The following GAB1 variants were observed in gnomAD, a reference collection of about 807,000 sequenced individuals.
GAB1 encodes GRB2-associated-binding protein 1.
GAB1 carries 19 observed loss-of-function variants against 66.5 expected under a neutral mutation model. The ratio of observed to expected loss-of-function variants is 0.29; its 90% confidence interval spans 0.20 to 0.42. The LOEUF (loss-of-function observed/expected upper bound fraction) is 0.42, where lower values mean the gene tolerates loss of function less well. Among genes scored for constraint, GAB1 ranks in the 10% least tolerant of loss-of-function variants. The pLI is 1.00. For synonymous variants in GAB1, 294 were observed against 301.4 expected (o/e 0.98, Z 0.25); for missense variants, 732 against 858.5 (o/e 0.85, Z 1.84).
chr4:143,416,701 G>A (rs528679090), intron 2 of GAB1, among the ~76,000 whole-genome samples: 1 of 152,026 alleles, frequency 6.6e-6, no homozygotes, highest in Non-Finnish European at 1.5e-5. Flanking sequence ...TTGAACCCAG[G>A]AGGCGGAGGC....
At chr4:143,350,701 A>C (rs1729171192) in intron 1 of GAB1, among the ~76,000 whole-genome samples, 1 of 151,468 alleles carries the variant, frequency 6.6e-6, no homozygotes, top group Admixed American at 6.6e-5. Context: ...AAAAAAAAGA[A>C]AGACTTTGTA....
rs1736183535 is a variant in GAB1, at chr4:143,474,150, A to C, written c.*4961A>C. ...CATGTCCCCTTAGATTTCCTGATTT[A>C]AAATTATACAAAATTACTATTTTTG... On this transcript the variant is annotated 3_prime_UTR_variant, in exon 10 of 10. Coordinates refer to ENST00000262994, the MANE Select transcript of GAB1 (RefSeq NM_002039.4). 6.6e-6 allele frequency: 1 copy of C among 152,212 alleles called. No individual in the cohort carries two copies. Among genetic ancestry groups the C allele is most frequent in the Non-Finnish European group, 1.5e-5 (1 of 68,036 alleles). 9.4% of individuals were successfully genotyped at this position (152,212 alleles called of 1,614,324 possible).
intron 7 of GAB1, among the ~76,000 whole-genome samples, chr4:143,460,118 G>A (rs986707161): frequency 2.0e-5 from 3 of 151,998 alleles, no homozygotes; most frequent in African/African-American, 7.3e-5. Context: ...CCAAGTCACT[G>A]GCAGTGGTTT....
chr4:143,341,594 C>T (rs1728825192), intron 1 of GAB1, among the ~76,000 whole-genome samples: 1 of 152,236 alleles, frequency 6.6e-6, no homozygotes, highest in Non-Finnish European at 1.5e-5. Flanking sequence ...TAGCAAGGCC[C>T]CAGCCAGTTC....
intron 1 of GAB1, among the ~76,000 whole-genome samples, chr4:143,372,436 A>C (rs1353008852): frequency 1.3e-5 from 2 of 152,228 alleles, no homozygotes; most frequent in Non-Finnish European, 2.9e-5. Context: ...TCTGCCTTAC[A>C]TGAAACTTAC....
At chr4:143,360,113 A>G (rs543125007) in intron 1 of GAB1, among the ~76,000 whole-genome samples, 8 of 152,222 alleles carry the variant, frequency 5.3e-5, no homozygotes, top group Non-Finnish European at 8.8e-5. Context: ...GCCTTGTGCA[A>G]ATGATCTAAC....
At chr4:143,440,544 A>G (rs1436914735) in intron 6 of GAB1, among the ~76,000 whole-genome samples, 162 bp downstream of exon 6, 1 of 152,210 alleles carries the variant, frequency 6.6e-6, no homozygotes, top group African/African-American at 2.4e-5. Flanking sequence ...CCATTTATAA[A>G]TTAACAATTA....
chr4:143,414,788 A>G (rs1025093300), intron 1 of GAB1, among the ~76,000 whole-genome samples: 4 of 152,226 alleles, frequency 2.6e-5, no homozygotes, highest in Non-Finnish European at 4.4e-5. Flanking sequence ...TTGCTTTTTT[A>G]AAAATTGTGG....
intron 3 of GAB1, among the ~76,000 whole-genome samples, chr4:143,437,155 A>C (rs1163620701): frequency 6.6e-6 from 1 of 152,196 alleles, no homozygotes; most frequent in Non-Finnish European, 1.5e-5. Flanking sequence ...TTAAAAAAAA[A>C]TCATAGTTAT....
At chr4:143,408,871 T>C (rs1040646530) in intron 1 of GAB1, among the ~76,000 whole-genome samples, 3 of 152,258 alleles carry the variant, frequency 2.0e-5, no homozygotes, top group African/African-American at 7.2e-5. Context: ...CTCTACTTTT[T>C]TCCCCACACT....
intron 1 of GAB1, among the ~76,000 whole-genome samples, chr4:143,406,882 G>A (rs1161796615): frequency 6.6e-6 from 1 of 152,210 alleles, no homozygotes; most frequent in Non-Finnish European, 1.5e-5. Context: ...GGAATATGAG[G>A]ACAGAAGTGA....
chr4:143,446,851 A>G lies in GAB1; in HGVS notation c.1585+6469A>G, dbSNP rs1488358556. Among the ~76,000 whole-genome samples the G allele has an allele frequency of 3.3e-5, 5 of 150,722 alleles. No homozygotes were observed. In the East Asian group the frequency reaches 9.7e-4, roughly 29 times the overall value. ...TTGTTGCCATTGCTTTTGGTGTTTTAGACATGAAGTCCTTGCCCATGCCTA... is the reference window on the plus strand; with the variant it reads ...TTGTTGCCATTGCTTTTGGTGTTTTGGACATGAAGTCCTTGCCCATGCCTA... On this transcript the variant is annotated intron_variant, in intron 6 of 9. Transcript: ENST00000262994.
At chr4:143,373,632 C>T (rs182527306) in intron 1 of GAB1, among the ~76,000 whole-genome samples, 1 of 152,040 alleles carries the variant, frequency 6.6e-6, no homozygotes, top group Non-Finnish European at 1.5e-5. Flanking sequence ...AGTTTGAGAC[C>T]AGCCTGGGCA....
chr4:143,411,642 T>C (rs1732396848), intron 1 of GAB1, among the ~76,000 whole-genome samples: 1 of 152,156 alleles, frequency 6.6e-6, no homozygotes, highest in South Asian at 2.1e-4. Flanking sequence ...ATCTCAGATA[T>C]TTTCAGATAA....
At chr4:143,370,048 T>TA (rs1730051104) in intron 1 of GAB1, among the ~76,000 whole-genome samples, 1 of 152,226 alleles carries the variant, frequency 6.6e-6, no homozygotes, top group African/African-American at 2.4e-5. Context: ...AGCACTCACT[T>TA]AGGTGTTGCA....
At position 143,459,473 on chromosome 4, in the gene GAB1, T is replaced by C; in HGVS notation, c.1674T>C (p.Ala558=). 6.5e-7 allele frequency: 1 copy of C among 1,531,838 alleles called. No individual in the cohort carries two copies. Among genetic ancestry groups the C allele is most frequent in the Non-Finnish European group, 9.0e-7 (1 of 1,105,168 alleles). 94.9% of individuals were successfully genotyped at this position (1,531,838 alleles called of 1,614,324 possible). A position where few individuals can be genotyped will look rare whatever the true frequency, so the allele number is the denominator to read the frequency against. Residue 558 remains alanine (A), a synonymous_variant, in exon 7 of 10, where the codon GCT becomes GCC. Transcript: ENST00000262994. ...GATCTCCCATCACTAGGAGTTTTGC[T>C]CGAGAGTAAGTCCTTTGTCTAAAAT... The part of the protein sequence containing the change: ...PVRSPITRSF[A]RDSSRFPMSP...
intron 6 of GAB1, among the ~76,000 whole-genome samples, chr4:143,447,280 T>C (rs1734610276): frequency 6.6e-6 from 1 of 152,206 alleles, no homozygotes; most frequent in South Asian, 2.1e-4. Context: ...CGATGCGGGC[T>C]CTTTTTTGGT....
chr4:143,376,345 C>T (rs1369092319), intron 1 of GAB1, among the ~76,000 whole-genome samples: 1 of 151,974 alleles, frequency 6.6e-6, no homozygotes, highest in Non-Finnish European at 1.5e-5. Context: ...GGGAGAAAAA[C>T]ACAGAAAAAC....
At chr4:143,388,018 G>C (rs778295956) in intron 1 of GAB1, among the ~76,000 whole-genome samples, 5 of 152,152 alleles carry the variant, frequency 3.3e-5, no homozygotes, top group Non-Finnish European at 5.9e-5. Flanking sequence ...TCATGGCTGG[G>C]CAGAGGGGGT....
Sources: allele counts gnomAD v4.1 joint callset (sites outside exome capture counted in the v4.1 genomes callset), GRCh38; gene constraint gnomAD v4.1.1; transcripts MANE v1.5; gene names NCBI Gene and HGNC (gene_info 2026-07-23, HGNC 2026-07-21).